Variants in PRKACB observed in about 807,000 individuals in gnomAD.
The protein encoded by PRKACB is protein kinase cAMP-activated catalytic subunit beta.
Under a neutral mutation model 51.4 loss-of-function variants are expected in PRKACB, and 16 were observed. That is an observed-to-expected ratio of 0.31 (90% CI 0.21 to 0.47). PRKACB has a LOEUF of 0.47. PRKACB is among the 20% of genes least tolerant of loss of function. The pLI, the probability that PRKACB is intolerant of heterozygous loss-of-function variation, is 1.00. For synonymous variants in PRKACB, 147 were observed against 154.4 expected, an observed-to-expected ratio of 0.95 and a Z score of 0.35; for missense variants, 309 against 464.5, an observed-to-expected ratio of 0.67 and a Z score of 3.08.
In PRKACB at chr1:84,095,656, A is replaced by G. The variant is rs540221441; in HGVS notation, c.46+17285A>G. Among the ~76,000 whole-genome samples, 7 of 151,938 alleles carry G rather than the reference A, an allele frequency of 4.6e-5. No homozygotes were observed. The East Asian group carries it at 1.2e-3, about 25-fold the overall frequency. On this transcript the variant is annotated intron_variant, in intron 1 of 8. Transcript: ENST00000370688. ...TTTCTGTTTGCAACTTTTTAGAATC[A>G]TGGCTCAAAATGTTTCATTTATTTA...
At chr1:84,158,995 T>G (rs1655854655) in intron 1 of PRKACB, among the ~76,000 whole-genome samples, 1 of 152,178 alleles carries the variant, frequency 6.6e-6, no homozygotes, top group African/African-American at 2.4e-5. Flanking sequence ...GTGAACTACA[T>G]GTCTGTCCTC....
chr1:84,180,258 T>A (rs79394255), intron 2 of PRKACB, among the ~76,000 whole-genome samples: 1 of 136,086 alleles, frequency 7.3e-6, no homozygotes, highest in African/African-American at 2.7e-5. Context: ...TTAACACATT[T>A]GCAGTGACCT....
chr1:84,164,025 G>A (rs1464303773), intron 1 of PRKACB, among the ~76,000 whole-genome samples: 2 of 151,960 alleles, frequency 1.3e-5, no homozygotes, highest in Non-Finnish European at 2.9e-5. Context: ...ATAATTGCCA[G>A]TAACTTTTTT....
chr1:84,176,594 A>G (rs1262965070), intron 1 of PRKACB, among the ~76,000 whole-genome samples: 1 of 125,940 alleles, frequency 7.9e-6, no homozygotes, highest in Non-Finnish European at 1.9e-5. Context: ...ATGTGTAGAT[A>G]TTTTTATATG....
At chr1:84,198,375 C>T (rs1668775198) in intron 7 of PRKACB, among the ~76,000 whole-genome samples, 2 of 152,018 alleles carry the variant, frequency 1.3e-5, no homozygotes, top group Admixed American at 6.6e-5. Context: ...GTTAACTTTT[C>T]CTCTGCCATC....
chr1:84,089,097 C>T (rs897097858), intron 1 of PRKACB, among the ~76,000 whole-genome samples: 1 of 152,124 alleles, frequency 6.6e-6, no homozygotes, highest in Non-Finnish European at 1.5e-5. Context: ...TCTGGCAAAG[C>T]AGTGTCTATG....
chr1:84,161,946 G>T (rs1305754432), intron 1 of PRKACB, among the ~76,000 whole-genome samples: 1 of 151,864 alleles, frequency 6.6e-6, no homozygotes, highest in Non-Finnish European at 1.5e-5. Context: ...TTGAGCTGTT[G>T]TCTAGTATTA....
At chr1:84,088,416 G>T (rs569731431) in intron 1 of PRKACB, among the ~76,000 whole-genome samples, 1 of 152,176 alleles carries the variant, frequency 6.6e-6, no homozygotes, top group Non-Finnish European at 1.5e-5. Flanking sequence ...TTAGAGTCCT[G>T]TTTAGTAAAA....
At chr1:84,091,112 TA>T (rs1370559417) in intron 1 of PRKACB, among the ~76,000 whole-genome samples, 1 of 152,196 alleles carries the variant, frequency 6.6e-6, no homozygotes, top group Non-Finnish European at 1.5e-5. Context: ...GCCTGTGATT[TA>T]CAGTATGTGT....
intron 2 of PRKACB, among the ~76,000 whole-genome samples, chr1:84,181,465 T>C (rs930316526): frequency 5.9e-5 from 9 of 152,044 alleles, no homozygotes; most frequent in Admixed American, 5.9e-4. Context: ...TTTGCTTCTG[T>C]GCTGTAGTCA....
chr1:84,199,885 G>A (rs182068008), intron 7 of PRKACB, among the ~76,000 whole-genome samples: 88 of 151,716 alleles, frequency 5.8e-4, no homozygotes, highest in African/African-American at 1.9e-3. Flanking sequence ...TTGCTCTGTC[G>A]CCCAGGCTGC....
intron 8 of PRKACB, chr1:84,204,923 A>G: frequency 1.0e-6 from 1 of 973,614 alleles, no homozygotes; most frequent in Non-Finnish European, 1.2e-6. Context: ...CTGTTTATGA[A>G]TATATATTCA....
chr1:84,141,503 T>C (rs1653414388), upstream of PRKACB, among the ~76,000 whole-genome samples: 1 of 152,120 alleles, frequency 6.6e-6, no homozygotes, highest in Admixed American at 6.5e-5. Flanking sequence ...AAATATTCTA[T>C]TTTCTGGAAG....
At position 84,196,749 on chromosome 1, in the gene PRKACB, C is replaced by T. The variant is rs377167052; in HGVS notation, c.687+7C>T. 8.1e-6 allele frequency: 13 copies of T among 1,610,554 alleles called. No homozygotes were observed. Among genetic ancestry groups the T allele is most frequent in the African/African-American group, 2.7e-5 (2 of 74,794 alleles). On this transcript the variant is annotated splice_region_variant and intron_variant, in intron 6 of 9. Coordinates refer to ENST00000370685, the MANE Select transcript of PRKACB (RefSeq NM_182948.4). ...CCATCAAGGCTATATCCAGGTATGA[C>T]TTTAACACATTATGTGTACTGTATA... is the stretch of plus-strand genomic sequence containing the variant.
rs1206956738 is a variant in PRKACB, at chr1:84,170,026, A to G, written c.188-9151A>G. ...ATAAACTGTAACAAGTGCCCCTTTA[A>G]ATGAATACCTGAATTTACCCTTTAA... is the stretch of plus-strand genomic sequence containing the variant. On this transcript the variant is annotated intron_variant, in intron 1 of 9. Transcript: ENST00000370685. Among the ~76,000 whole-genome samples the G allele has an allele frequency of 2.0e-5, 3 of 151,690 alleles. No homozygotes were observed. In the East Asian group the frequency reaches 5.8e-4, roughly 29 times the overall value.
chr1:84,218,688 C>G (rs529259309), intron 9 of PRKACB, among the ~76,000 whole-genome samples: 1 of 152,204 alleles, frequency 6.6e-6, no homozygotes, highest in East Asian at 1.9e-4. Flanking sequence ...TATGATAGTT[C>G]TATTTTTAGA....
intron 1 of PRKACB, among the ~76,000 whole-genome samples, chr1:84,165,884 A>G (rs1356433481): frequency 6.6e-6 from 1 of 151,756 alleles, no homozygotes; most frequent in Admixed American, 6.6e-5. Flanking sequence ...GAGAAGTAGA[A>G]TATGGTTTCT....
chr1:84,211,100 C>T (rs1481413301), intron 8 of PRKACB, among the ~76,000 whole-genome samples: 1 of 144,742 alleles, frequency 6.9e-6, no homozygotes. Flanking sequence ...CTGATATCTG[C>T]TGTCACAACC....
At chr1:84,085,995 A>C (rs1647949949) in intron 1 of PRKACB, 3 of 739,358 alleles carry the variant, frequency 4.1e-6, no homozygotes, top group African/African-American at 3.4e-5. Context: ...TTCCACGCAC[A>C]GTGGTGTGGA....
Sources: gnomAD v4.1 joint callset for allele counts (sites outside exome capture counted in the v4.1 genomes callset) on GRCh38, gnomAD v4.1.1 for gene constraint, MANE v1.5 for transcripts, NCBI Gene and HGNC (gene_info 2026-07-23, HGNC 2026-07-21) for gene names.